Variants in NDUFAF2 observed in about 807,000 individuals in gnomAD.
NDUFAF2 encodes NADH dehydrogenase [ubiquinone] 1 alpha subcomplex assembly factor 2.
Under a neutral mutation model 22.8 loss-of-function variants are expected in NDUFAF2, and 13 were observed. The ratio of observed to expected loss-of-function variants is 0.57; its 90% CI spans 0.37 to 0.91. The LOEUF (loss-of-function observed/expected upper bound fraction) is 0.91, where lower values mean the gene tolerates loss of function less well. Ranked by LOEUF, NDUFAF2 falls within the 40% of genes least tolerant of loss-of-function variation. NDUFAF2 has a pLI of 0.01. For synonymous variants in NDUFAF2, 53 were observed against 64.2 expected, an observed-to-expected ratio of 0.83 and a Z score of 0.84; for missense variants, 162 against 195.2, an observed-to-expected ratio of 0.83 and a Z score of 1.01.
intron 1 of NDUFAF2, among the ~76,000 whole-genome samples, chr5:61,011,462 C>T (rs146701629): frequency 2.6e-4 from 39 of 152,200 alleles, no homozygotes; most frequent in Middle Eastern, 3.4e-3. Flanking sequence ...GAGGGAAGGA[C>T]GAGCACTCAA....
rs374701660 is a variant in NDUFAF2 at position 61,152,930 on chromosome 5, G to A, written c.485G>A (p.Arg162Gln). The A allele has an allele frequency of 1.7e-5, 28 of 1,613,684 alleles. No homozygotes were observed. In the African/African-American group the frequency reaches 1.7e-4, roughly 10 times the overall value. Residue 162 changes from arginine to glutamine, a missense_variant, in exon 4 of 4, where the codon CGA becomes CAA. Transcript: ENST00000296597. ...TTTCAGCCAGGATCCTGGATGCCACGAGATGGCAAGAGCCACAATCAATGA... is the reference window on the plus strand; with the variant it reads ...TTTCAGCCAGGATCCTGGATGCCACAAGATGGCAAGAGCCACAATCAATGA... ...KTFQPGSWMP[R>Q]DGKSHNQ
At chr5:61,127,646 A>G (rs1313367068) in intron 3 of NDUFAF2, among the ~76,000 whole-genome samples, 3 of 152,186 alleles carry the variant, frequency 2.0e-5, no homozygotes, top group African/African-American at 7.2e-5. Context: ...ACGTATCTCA[A>G]AATAATAAGA....
intron 1 of NDUFAF2, among the ~76,000 whole-genome samples, chr5:61,010,622 T>C (rs1051474642): frequency 8.5e-5 from 13 of 152,150 alleles, no homozygotes; most frequent in African/African-American, 2.9e-4. Flanking sequence ...CTTACCACTC[T>C]CTGTTATTAC....
intron 3 of NDUFAF2, among the ~76,000 whole-genome samples, chr5:61,149,926 GT>G (rs1302315654): frequency 2.0e-5 from 3 of 152,004 alleles, no homozygotes; most frequent in African/African-American, 7.2e-5. Flanking sequence ...TTGTTTGGGG[GT>G]TTTTTTGTTT....
At chr5:60,994,388 CTG>C (rs1399096516) in intron 1 of NDUFAF2, among the ~76,000 whole-genome samples, 1 of 152,200 alleles carries the variant, frequency 6.6e-6, no homozygotes, top group African/African-American at 2.4e-5. Context: ...AGCCACAACT[CTG>C]TCACTTGGGC....
At chr5:61,020,170 A>G (rs1561543493) in intron 1 of NDUFAF2, among the ~76,000 whole-genome samples, 1 of 152,134 alleles carries the variant, frequency 6.6e-6, no homozygotes, top group Non-Finnish European at 1.5e-5. Flanking sequence ...TTAAAACTTG[A>G]CCAATTAATA....
At chr5:61,046,459 AT>A (rs1327191870) in intron 1 of NDUFAF2, among the ~76,000 whole-genome samples, 2 of 152,012 alleles carry the variant, frequency 1.3e-5, no homozygotes, top group East Asian at 3.9e-4. Context: ...TTTATTATTG[AT>A]TTACTCTCCT....
intron 2 of NDUFAF2, among the ~76,000 whole-genome samples, chr5:61,087,651 G>T (rs948792691): frequency 7.9e-5 from 12 of 152,026 alleles, no homozygotes; most frequent in African/African-American, 2.9e-4. Context: ...ACATTTTATG[G>T]CTAAGTATTC....
chr5:61,070,722 A>C (rs1231708913), intron 1 of NDUFAF2, among the ~76,000 whole-genome samples: 1 of 151,990 alleles, frequency 6.6e-6, no homozygotes, highest in Admixed American at 6.6e-5. Flanking sequence ...TAGGAATAGA[A>C]AGTTATTTTT....
chr5:60,993,941 A>T (rs920787526), intron 1 of NDUFAF2, among the ~76,000 whole-genome samples: 5 of 152,190 alleles, frequency 3.3e-5, no homozygotes, highest in Admixed American at 2.0e-4. Context: ...TCCTGCCTTT[A>T]GGCCCTGCCT....
At chr5:61,021,383 C>T (rs1751582143) in intron 1 of NDUFAF2, among the ~76,000 whole-genome samples, 1 of 152,054 alleles carries the variant, frequency 6.6e-6, no homozygotes, top group African/African-American at 2.4e-5. Context: ...TCTGCTCTTC[C>T]CTCACATTTT....
At chr5:60,952,776 A>C (rs548669451) in intron 1 of NDUFAF2, among the ~76,000 whole-genome samples, 1 of 152,116 alleles carries the variant, frequency 6.6e-6, no homozygotes, top group African/African-American at 2.4e-5. Flanking sequence ...CAATTATTGA[A>C]AAAAGTATGT....
intron 1 of NDUFAF2, among the ~76,000 whole-genome samples, chr5:61,013,508 G>T (rs972028329): frequency 3.3e-5 from 5 of 151,910 alleles, no homozygotes; most frequent in African/African-American, 1.2e-4. Flanking sequence ...TTTCTAACTA[G>T]TTATTCTTTT....
At chr5:61,069,396 A>G (rs1246194662) in intron 1 of NDUFAF2, among the ~76,000 whole-genome samples, 3 of 152,302 alleles carry the variant, frequency 2.0e-5, no homozygotes, top group Admixed American at 6.5e-5. Context: ...ACTGTGGTCT[A>G]TAAGATGACT....
At chr5:61,072,307 G>A (rs1364241234) in intron 1 of NDUFAF2, among the ~76,000 whole-genome samples, 1 of 152,156 alleles carries the variant, frequency 6.6e-6, no homozygotes, top group East Asian at 1.9e-4. Flanking sequence ...TGATTCAGAT[G>A]GGCCACAGAA....
chr5:61,113,643 C>G (rs1337359903), intron 3 of NDUFAF2, among the ~76,000 whole-genome samples: 1 of 152,086 alleles, frequency 6.6e-6, no homozygotes, highest in Non-Finnish European at 1.5e-5. Context: ...TTCTTCCTGC[C>G]ATCATGTGAA....
chr5:61,146,533 G>C (rs531232865), intron 3 of NDUFAF2, among the ~76,000 whole-genome samples: 53 of 152,210 alleles, frequency 3.5e-4, no homozygotes, highest in African/African-American at 1.3e-3. Context: ...GTTTTCACTG[G>C]ATATAGGATT....
chr5:60,990,870 A>G (rs769014933), intron 1 of NDUFAF2, among the ~76,000 whole-genome samples: 24 of 152,174 alleles, frequency 1.6e-4, no homozygotes, highest in Non-Finnish European at 2.9e-4. Flanking sequence ...TGGATTGTCA[A>G]TGCAGAGCCT....
intron 1 of NDUFAF2, among the ~76,000 whole-genome samples, chr5:61,040,743 T>C (rs1751871291): frequency 6.6e-6 from 1 of 152,042 alleles, no homozygotes; most frequent in Non-Finnish European, 1.5e-5. Context: ...ACACGTTAGT[T>C]TTTATTAAGT....
Sources: gnomAD v4.1 joint callset for allele counts (sites outside exome capture counted in the v4.1 genomes callset) on GRCh38, gnomAD v4.1.1 for gene constraint, MANE v1.5 for transcripts, NCBI Gene and HGNC (gene_info 2026-07-23, HGNC 2026-07-21) for gene names.